The following GPATCH8 variants were observed in gnomAD, a reference collection of about 807,000 sequenced individuals.
GPATCH8 encodes G-patch domain containing 8, also known as G patch domain-containing protein 8.
GPATCH8 carries 18 observed loss-of-function variants against 118.3 expected under a neutral mutation model. The observed-to-expected ratio is 0.15, with a 90% CI of 0.11 to 0.23. The LOEUF is 0.23. GPATCH8 is among the 10% of genes least tolerant of loss of function. The probability of loss-of-function intolerance (pLI) is 1.00; values close to 1 mark genes in which losing one functional copy is unlikely to be tolerated. For missense variants in GPATCH8, 1,631 were observed against 1,873.8 expected, an observed-to-expected ratio of 0.87 and a Z score of 2.39; for synonymous variants, 659 against 684.7, an observed-to-expected ratio of 0.96 and a Z score of 0.59.
intron 1 of GPATCH8, among the ~76,000 whole-genome samples, chr17:44,487,427 A>G (rs1411230050): frequency 6.6e-6 from 1 of 152,212 alleles, no homozygotes; most frequent in Non-Finnish European, 1.5e-5. Context: ...GACTGCTGCC[A>G]AGTTTTGGCA....
intron 6 of GPATCH8, chr17:44,409,367 G>A (rs2049349398): frequency 6.6e-6 from 1 of 152,096 alleles, no homozygotes; most frequent in Non-Finnish European, 1.5e-5. Context: ...GCCAAGACAT[G>A]GGTTATAAGG....
At chr17:44,420,036 T>C (rs2049837810) in intron 6 of GPATCH8, among the ~76,000 whole-genome samples, 1 of 146,168 alleles carries the variant, frequency 6.8e-6, no homozygotes, top group South Asian at 2.1e-4. Context: ...TTGTACTACA[T>C]GGTTTTTTTT....
intron 3 of GPATCH8, among the ~76,000 whole-genome samples, chr17:44,439,065 AG>A (rs1250235964): frequency 6.6e-6 from 1 of 152,222 alleles, no homozygotes; most frequent in African/African-American, 2.4e-5. Context: ...GACTTTTAAA[AG>A]AAATGACATC....
Position 44,398,570 on chromosome 17 carries a change from C to T in GPATCH8, c.3507G>A (p.Gly1169=), listed in dbSNP as rs947152739. ...CTGTCTCTGACTGTTCTTGCTCTTC[C>T]CCCCTTTCCAAGCCAGACTCTTCAC... ...KKCEESGLER[G]EEQEQSETEE... Residue 1169 remains glycine (G), a synonymous_variant, in exon 8 of 8, where the codon GGG becomes GGA. Transcript: ENST00000591680. 2 of 1,569,062 alleles carry T rather than the reference C, an allele frequency of 1.3e-6. No individual in the cohort carries two copies. The highest frequency in any genetic ancestry group is 1.9e-5 in the Admixed American group (1 of 51,846).
chr17:44,432,659 A>G (rs553769361), intron 5 of GPATCH8, among the ~76,000 whole-genome samples: 1 of 152,202 alleles, frequency 6.6e-6, no homozygotes, highest in Non-Finnish European at 1.5e-5. Flanking sequence ...CTAGAGGGGA[A>G]AAGTACAAAT....
intron 5 of GPATCH8, among the ~76,000 whole-genome samples, chr17:44,426,040 G>A (rs1490829600): frequency 6.6e-6 from 1 of 152,078 alleles, no homozygotes. Context: ...CCTGAATGAG[G>A]GAAATGTAGT....
intron 1 of GPATCH8, among the ~76,000 whole-genome samples, chr17:44,502,211 A>G (rs1306078031): frequency 6.6e-6 from 1 of 152,166 alleles, no homozygotes; most frequent in African/African-American, 2.4e-5. Context: ...CATCTCAGGG[A>G]ATTCAAACTC....
intron 3 of GPATCH8, among the ~76,000 whole-genome samples, chr17:44,456,910 A>G (rs1336390717): frequency 6.6e-6 from 1 of 151,794 alleles, no homozygotes; most frequent in Non-Finnish European, 1.5e-5. Context: ...GTTGCCCAGG[A>G]TGGAGTGCAG....
chr17:44,489,748 G>A (rs1398461098), intron 1 of GPATCH8, among the ~76,000 whole-genome samples: 2 of 152,188 alleles, frequency 1.3e-5, no homozygotes, highest in African/African-American at 2.4e-5. Context: ...TAGTAATGAT[G>A]ACAATGATAG....
At chr17:44,423,043 CGGAT>C (rs2049970439) in intron 6 of GPATCH8, among the ~76,000 whole-genome samples, 2 of 151,636 alleles carry the variant, frequency 1.3e-5, no homozygotes, top group African/African-American at 4.8e-5. Context: ...CCGAGGTGGG[CGGAT>C]CACGAGGTCA....
intron 3 of GPATCH8, among the ~76,000 whole-genome samples, chr17:44,460,939 G>T (rs1216353915): frequency 1.3e-5 from 2 of 152,222 alleles, no homozygotes; most frequent in African/African-American, 2.4e-5. Context: ...CACAATGCCT[G>T]CATGTACACT....
chr17:44,452,055 G>A (rs372618363), intron 3 of GPATCH8, among the ~76,000 whole-genome samples: 1 of 152,012 alleles, frequency 6.6e-6, no homozygotes, highest in South Asian at 2.1e-4. Flanking sequence ...CGGATTGCCC[G>A]AGGTCAGGAG....
chr17:44,453,112 G>A (rs745649524), intron 3 of GPATCH8, among the ~76,000 whole-genome samples: 7 of 152,164 alleles, frequency 4.6e-5, no homozygotes, highest in Non-Finnish European at 8.8e-5. Context: ...GATTACAGGC[G>A]TGAGCCACCA....
chr17:44,454,312 G>A (rs1386834304), intron 3 of GPATCH8, among the ~76,000 whole-genome samples: 1 of 151,300 alleles, frequency 6.6e-6, no homozygotes, highest in Non-Finnish European at 1.5e-5. Flanking sequence ...ATTTTTAGAA[G>A]GGGTCTCACT....
intron 7 of GPATCH8, among the ~76,000 whole-genome samples, chr17:44,403,892 C>A (rs1347152441): frequency 6.6e-6 from 1 of 150,824 alleles, no homozygotes; most frequent in Non-Finnish European, 1.5e-5. Context: ...CAGAGTTTCA[C>A]CATGTTGGTC....
chr17:44,461,954 C>A (rs922862296), intron 3 of GPATCH8, among the ~76,000 whole-genome samples: 7 of 152,086 alleles, frequency 4.6e-5, no homozygotes, highest in Non-Finnish European at 1.0e-4. Flanking sequence ...CCTGCCTCAA[C>A]CTCCCAAAGT....
intron 3 of GPATCH8, chr17:44,445,690 G>A (rs2050853682): frequency 6.6e-6 from 1 of 152,180 alleles, no homozygotes; most frequent in Non-Finnish European, 1.5e-5. Context: ...ATTTTTAGTA[G>A]AGACGGGGTT....
chr17:44,486,080 G>A (rs1201161329), intron 1 of GPATCH8: 1 of 151,966 alleles, frequency 6.6e-6, no homozygotes, highest in Non-Finnish European at 1.5e-5. Flanking sequence ...TGTTTAATGT[G>A]GTTTTTGTTT....
chr17:44,439,560 A>T (rs532501437), intron 3 of GPATCH8, among the ~76,000 whole-genome samples: 129 of 152,166 alleles, frequency 8.5e-4, no homozygotes, highest in African/African-American at 3.0e-3. Context: ...AGACCAAGGA[A>T]AGATCCCAGT....
Sources: allele counts gnomAD v4.1 joint callset (sites outside exome capture counted in the v4.1 genomes callset), GRCh38; gene constraint gnomAD v4.1.1; transcripts MANE v1.5; gene names NCBI Gene and HGNC (gene_info 2026-07-23, HGNC 2026-07-21).